The following SIPA1L3 variants were observed in gnomAD, a reference collection of about 807,000 sequenced individuals.
SIPA1L3 encodes signal induced proliferation associated 1 like 3, also known as signal-induced proliferation-associated 1-like protein 3.
A neutral mutation model predicts 150.1 loss-of-function variants in SIPA1L3; 59 were observed. The observed-to-expected ratio is 0.39, with a 90% confidence interval of 0.32 to 0.49. SIPA1L3 has a LOEUF of 0.49. Among genes scored for constraint, SIPA1L3 ranks in the 20% least tolerant of loss-of-function variants. The probability of loss-of-function intolerance (pLI) is 0.86; values close to 1 mark genes in which losing one functional copy is unlikely to be tolerated. For missense variants in SIPA1L3, 2,211 were observed against 2,489.5 expected (o/e 0.89, Z 2.38); for synonymous variants, 1,070 against 1,077.6 (o/e 0.99, Z 0.14).
chr19:38,145,819 G>A (rs2145948778), intron 12 of SIPA1L3, among the ~76,000 whole-genome samples: 1 of 151,342 alleles, frequency 6.6e-6, no homozygotes, highest in South Asian at 2.1e-4. Context: ...TCTTCCCCCT[G>A]TGCCTAACCC....
rs79907854 is a variant in SIPA1L3, at chr19:38,120,485, A to C, written c.2868+603A>C. The stretch of plus-strand genomic sequence containing the variant: ...AGACCCTGTCTCAAAAACAAACAAA[A>C]AAAAAGAAGTGTAAGAGTACTTTCT... On this transcript the variant is annotated intron_variant, in intron 9 of 21. Transcript: ENST00000222345. 5.6e-3 allele frequency among the ~76,000 whole-genome samples: 849 copies of C among 152,314 alleles called. 7 individuals are homozygous for C. Among genetic ancestry groups the C allele is most frequent in the African/African-American group, 0.019 (769 of 41,564 alleles).
At chr19:37,934,838 G>T (rs2046586723) in intron 1 of SIPA1L3, among the ~76,000 whole-genome samples, 1 of 152,152 alleles carries the variant, frequency 6.6e-6, no homozygotes. Flanking sequence ...GCAGTGCCAT[G>T]TGGAATGCCT....
chr19:38,026,910 G>A (rs1968525965), intron 1 of SIPA1L3, among the ~76,000 whole-genome samples: 1 of 152,178 alleles, frequency 6.6e-6, no homozygotes, highest in Non-Finnish European at 1.5e-5. Context: ...ACATTACAGT[G>A]TTGCAAATAT....
Position 38,206,698 on chromosome 19 carries a change from A to G in SIPA1L3, c.*458A>G, listed in dbSNP as rs1973224955. The G allele has an allele frequency of 6.5e-6, 1 of 154,400 alleles. No individual in the cohort carries two copies. The highest frequency in any genetic ancestry group is 2.0e-4 in the South Asian group (1 of 4,902). 9.6% of individuals were successfully genotyped at this position (154,400 alleles called of 1,614,324 possible). A position where few individuals can be genotyped will look rare whatever the true frequency, so the allele number is the denominator to read the frequency against. ...GCCCCTGCATGAAAAGTACAGCGTG[A>G]AAGCAACCCTTTCTTCCCCACACCC... On this transcript the variant is annotated 3_prime_UTR_variant, in exon 22 of 22. Coordinates refer to ENST00000222345, the MANE Select transcript of SIPA1L3 (RefSeq NM_015073.3).
chr19:37,959,837 T>G (rs75167591), intron 1 of SIPA1L3, among the ~76,000 whole-genome samples: 5,465 of 150,740 alleles, frequency 0.036, 141 homozygotes, highest in Non-Finnish European at 0.052. Context: ...TTTTTTTAAT[T>G]GGGTCTCTAG....
intron 2 of SIPA1L3, among the ~76,000 whole-genome samples, chr19:38,064,810 G>A (rs865880379): frequency 1.3e-5 from 2 of 152,230 alleles, no homozygotes; most frequent in African/African-American, 2.4e-5. Context: ...GAGTTAAGCT[G>A]TATTATTATC....
chr19:38,178,727 T>C (rs931287520), intron 15 of SIPA1L3, among the ~76,000 whole-genome samples: 1 of 152,068 alleles, frequency 6.6e-6, no homozygotes, highest in African/African-American at 2.4e-5. Flanking sequence ...CTGCCCGTCT[T>C]GGCCTCCCAA....
intron 2 of SIPA1L3, among the ~76,000 whole-genome samples, chr19:38,033,535 TTAAA>T (rs1160799222): frequency 3.3e-5 from 5 of 152,008 alleles, no homozygotes; most frequent in Admixed American, 6.6e-5. Context: ...AAAAAATGTT[TTAAA>T]TAGCCAGGCT....
In SIPA1L3 at chr19:38,130,732, G is replaced by A; in HGVS notation, c.3103G>A (p.Val1035Met). 1 of 1,612,582 alleles carries A rather than the reference G, an allele frequency of 6.2e-7. No individual in the cohort carries two copies. The highest frequency in any genetic ancestry group is 8.5e-7 in the Non-Finnish European group (1 of 1,178,746). The change falls in exon 10 of 22, where the codon GTG (valine) becomes ATG (methionine). Residue 1035 changes from valine (V) to methionine (M), a missense_variant. Physicochemically the swap from Val to Met is conservative, Grantham distance 21. This residue lies in a region of SIPA1L3 where 625 missense variants were observed against 804.2 expected (regional missense o/e 0.78). Coordinates refer to ENST00000222345, the MANE Select transcript of SIPA1L3 (RefSeq NM_015073.3). ...DLLRTSVTVK[V>M]VIIPPFEDGT... ...GCTGCGCACCTCTGTCACTGTGAAG[G>A]TGGTCATCATCCCGCCTTTTGAGGA...
chr19:37,940,575 C>G (rs915552996), intron 1 of SIPA1L3, among the ~76,000 whole-genome samples: 1 of 152,036 alleles, frequency 6.6e-6, no homozygotes, highest in Non-Finnish European at 1.5e-5. Flanking sequence ...CAATCAGGAC[C>G]CAACAGGGCT....
chr19:38,112,750 C>T (rs150517498), intron 8 of SIPA1L3, among the ~76,000 whole-genome samples: 55 of 152,048 alleles, frequency 3.6e-4, no homozygotes, highest in African/African-American at 1.3e-3. Context: ...TCAGCCATCC[C>T]CCTCCCTTCC....
intron 1 of SIPA1L3, among the ~76,000 whole-genome samples, chr19:37,955,661 G>C (rs183611721): frequency 6.6e-6 from 1 of 152,296 alleles, no homozygotes; most frequent in African/African-American, 2.4e-5. Context: ...CCGTCACTTA[G>C]CATAATGTTT....
chr19:37,955,088 C>CAAAAA (rs34802797), intron 1 of SIPA1L3, among the ~76,000 whole-genome samples: 1 of 45,408 alleles, frequency 2.2e-5, no homozygotes, highest in Non-Finnish European at 4.2e-5. Context: ...TGCTGTCTCT[C>CAAAAA]AAAAAAAAAA....
intron 13 of SIPA1L3, among the ~76,000 whole-genome samples, chr19:38,160,408 T>C (rs77687455): frequency 6.8e-6 from 1 of 146,716 alleles, no homozygotes; most frequent in South Asian, 2.1e-4. Context: ...CTGCTACTCT[T>C]TTTTTTTTTT....
intron 1 of SIPA1L3, among the ~76,000 whole-genome samples, chr19:37,935,821 T>C (rs549844840): frequency 2.0e-5 from 3 of 152,172 alleles, no homozygotes; most frequent in Non-Finnish European, 2.9e-5. Flanking sequence ...TTCATTCTGT[T>C]AGTTAATGTG....
At chr19:38,068,738 T>C (rs558378685) in intron 2 of SIPA1L3, among the ~76,000 whole-genome samples, 1 of 152,252 alleles carries the variant, frequency 6.6e-6, no homozygotes, top group East Asian at 1.9e-4. Context: ...ACAGCTGTAG[T>C]CCCAGCTACT....
Position 38,193,606 on chromosome 19 carries a change from A to G in SIPA1L3, c.4666A>G (p.Ser1556Gly), listed in dbSNP as rs1447953637. 8.6e-5 allele frequency: 134 copies of G among 1,564,132 alleles called. No individual in the cohort carries two copies. The highest frequency in any genetic ancestry group is 1.1e-4 in the Non-Finnish European group (133 of 1,165,258). Residue 1556 changes from serine (S) to glycine (G), a missense_variant, in exon 18 of 22, where the codon AGC becomes GGC. Ser to Gly is a moderately conservative substitution (Grantham distance 56, BLOSUM62 0). Transcript: ENST00000222345. ...ESLCSGRREP[S>G]FASPAGLEPG... is the part of the protein sequence containing the mutation. ...CCTGTGCAGCGGGCGCCGGGAGCCC[A>G]GCTTCGCCAGCCCCGCTGGCCTAGA...
rs1268156060 is a variant in SIPA1L3 at position 38,110,358 on chromosome 19, C to T, written c.2265C>T (p.Asn755=). ...QHVFIIVRVH[N]PCTDNVCYSM... is the part of the protein sequence containing the mutation. ...TCTTCATCATTGTCCGAGTCCACAA[C>T]CCCTGCACTGATAACGTCTGTTACA... is the stretch of plus-strand genomic sequence containing the variant. Residue 755 remains asparagine (N), a synonymous_variant, in exon 8 of 22, where the codon AAC becomes AAT. Coordinates refer to ENST00000222345, the MANE Select transcript of SIPA1L3 (RefSeq NM_015073.3). 6.2e-7 allele frequency: 1 copy of T among 1,614,072 alleles called. No individual in the cohort carries two copies. The highest frequency in any genetic ancestry group is 1.3e-5 in the African/African-American group (1 of 75,022).
intron 4 of SIPA1L3, among the ~76,000 whole-genome samples, chr19:38,091,139 A>G (rs1348207232): frequency 6.6e-6 from 1 of 152,176 alleles, no homozygotes; most frequent in Non-Finnish European, 1.5e-5. Context: ...TAATCCCAGC[A>G]CTTTGGGAGG....
Sources: gnomAD v4.1 joint callset for allele counts (sites outside exome capture counted in the v4.1 genomes callset) on GRCh38, gnomAD v4.1.1 for gene constraint, gnomAD v4.1.1 regional missense constraint, MANE v1.5 for transcripts, NCBI Gene and HGNC (gene_info 2026-07-23, HGNC 2026-07-21) for gene names.